Variants in TTC29 observed in about 807,000 individuals in gnomAD.
The protein encoded by TTC29 is tetratricopeptide repeat protein 29.
In TTC29, 49 loss-of-function variants were observed where a neutral mutation model predicts 58.1. The observed-to-expected ratio is 0.84, with a 90% CI of 0.67 to 1.07. The LOEUF (loss-of-function observed/expected upper bound fraction) is 1.07. Ranked by LOEUF, TTC29 falls within the 50% of genes least tolerant of loss-of-function variation. The pLI is 0.00. For synonymous variants in TTC29, 209 were observed against 196.8 expected, an observed-to-expected ratio of 1.06 and a Z score of -0.52; for missense variants, 582 against 555.6, an observed-to-expected ratio of 1.05 and a Z score of -0.48.
At chr4:146,753,213 CA>C (rs1292776873) in intron 11 of TTC29, among the ~76,000 whole-genome samples, 1 of 151,990 alleles carries the variant, frequency 6.6e-6, no homozygotes, top group African/African-American at 2.4e-5. Context: ...AAGAAAAAAA[CA>C]AACAACCCCA....
chr4:146,902,807 G>T (rs951972963), intron 6 of TTC29, among the ~76,000 whole-genome samples: 3 of 152,108 alleles, frequency 2.0e-5, no homozygotes, highest in Admixed American at 2.0e-4. Flanking sequence ...AAAGTCCTAT[G>T]CAGTCCTAGT....
Position 146,755,037 on chromosome 4 carries a change from G to C in TTC29, c.1331-47486C>G, listed in dbSNP as rs1252949586. Among the ~76,000 whole-genome samples, 53 of 152,174 alleles carry C rather than the reference G, an allele frequency of 3.5e-4. 1 individual carries two copies. Among genetic ancestry groups the C allele is most frequent in the Non-Finnish European group, 1.5e-5 (1 of 67,958 alleles). On this transcript the variant is annotated intron_variant, in intron 11 of 12. Coordinates refer to ENST00000325106, the MANE Select transcript of TTC29 (RefSeq NM_031956.4). ...TGGTTTGAACCAATAAATAGAATCA[G>C]TAAAATTGCAGGATAAAAAATCAAC...
At chr4:146,799,331 G>T (rs1014910538) in intron 11 of TTC29, among the ~76,000 whole-genome samples, 1 of 152,086 alleles carries the variant, frequency 6.6e-6, no homozygotes, top group Non-Finnish European at 1.5e-5. Context: ...AACAGAAGTA[G>T]CTGATTGTAA....
At chr4:146,840,874 T>C (rs2150168726) in intron 8 of TTC29, among the ~76,000 whole-genome samples, 1 of 152,142 alleles carries the variant, frequency 6.6e-6, no homozygotes, top group East Asian at 1.9e-4. Context: ...AATGATACAA[T>C]GAGAAAGAAG....
chr4:146,839,538 G>A (rs1301422477), intron 8 of TTC29, among the ~76,000 whole-genome samples: 8 of 111,660 alleles, frequency 7.2e-5, no homozygotes, highest in African/African-American at 2.6e-4. Context: ...ATGAACTCGT[G>A]TGTGTGTGTG....
intron 4 of TTC29, among the ~76,000 whole-genome samples, chr4:146,925,615 T>A (rs1162147988): frequency 2.0e-5 from 3 of 152,136 alleles, no homozygotes; most frequent in African/African-American, 4.8e-5. Flanking sequence ...ACCTTGACAT[T>A]GATGTGGAAA....
chr4:146,837,517 T>A (rs548783310), intron 8 of TTC29, among the ~76,000 whole-genome samples: 1 of 152,220 alleles, frequency 6.6e-6, no homozygotes, highest in East Asian at 1.9e-4. Flanking sequence ...AAGATACAGA[T>A]GTTTTATACT....
chr4:146,884,906 T>C (rs1731876903), intron 6 of TTC29, among the ~76,000 whole-genome samples: 1 of 152,088 alleles, frequency 6.6e-6, no homozygotes, highest in Admixed American at 6.6e-5. Context: ...GAGGCTTTAT[T>C]GTTAAAAATT....
chr4:146,812,229 AT>A (rs975010927), intron 10 of TTC29, among the ~76,000 whole-genome samples: 1 of 152,108 alleles, frequency 6.6e-6, no homozygotes, highest in Admixed American at 6.6e-5. Context: ...AAACATAACC[AT>A]TTTTTTAGAA....
chr4:146,788,088 G>A (rs1749163383), intron 11 of TTC29, among the ~76,000 whole-genome samples: 1 of 152,140 alleles, frequency 6.6e-6, no homozygotes, highest in South Asian at 2.1e-4. Flanking sequence ...GAGACCTGAG[G>A]ATTCAGTACC....
rs894491242 is a variant in TTC29 at position 146,712,379 on chromosome 4, G to C, written c.1331-4828C>G. On this transcript the variant is annotated intron_variant, in intron 11 of 12. Coordinates refer to ENST00000325106, the MANE Select transcript of TTC29 (RefSeq NM_031956.4). ...GACGCTATCTCAGTTGAACAGCTAA[G>C]TCCTTGAGCTGTGTTCCCAGGAGTG... Among the ~76,000 whole-genome samples the C allele has an allele frequency of 2.6e-5, 4 of 152,122 alleles. No homozygotes were observed. In the South Asian group the frequency reaches 6.2e-4, roughly 24 times the overall value.
intron 8 of TTC29, among the ~76,000 whole-genome samples, chr4:146,851,325 T>G (rs1207310263): frequency 6.6e-6 from 1 of 152,196 alleles, no homozygotes; most frequent in Non-Finnish European, 1.5e-5. Flanking sequence ...GCTTCAGGAT[T>G]AGAAGTGTCA....
At chr4:146,730,618 A>C (rs1218009373) in intron 11 of TTC29, among the ~76,000 whole-genome samples, 2 of 152,196 alleles carry the variant, frequency 1.3e-5, no homozygotes, top group African/African-American at 4.8e-5. Context: ...GCTAGTGAGG[A>C]AGAAGGAGCC....
At chr4:146,806,683 G>A (rs1378407564) in intron 10 of TTC29, among the ~76,000 whole-genome samples, 1 of 151,456 alleles carries the variant, frequency 6.6e-6, no homozygotes, top group Non-Finnish European at 1.5e-5. Context: ...AGCAAGAAGA[G>A]CTAACTAGCC....
intron 7 of TTC29, among the ~76,000 whole-genome samples, chr4:146,869,439 C>T (rs1365585326): frequency 1.3e-5 from 2 of 152,150 alleles, no homozygotes; most frequent in Non-Finnish European, 2.9e-5. Flanking sequence ...GCCAGTAATC[C>T]ACTAAGGGGA....
At chr4:146,936,138 CAG>C (rs1735797792) in intron 4 of TTC29, among the ~76,000 whole-genome samples, 1 of 152,240 alleles carries the variant, frequency 6.6e-6, no homozygotes, top group African/African-American at 2.4e-5. Flanking sequence ...GAGAATTACC[CAG>C]AGTTACTGTT....
chr4:146,749,705 G>A (rs1417982164), intron 11 of TTC29, among the ~76,000 whole-genome samples: 4 of 152,142 alleles, frequency 2.6e-5, no homozygotes, highest in Non-Finnish European at 5.9e-5. Context: ...ATGTTCTCAA[G>A]TAGATTCAAC....
intron 4 of TTC29, among the ~76,000 whole-genome samples, chr4:146,915,781 A>T (rs1023756432): frequency 6.6e-6 from 1 of 151,906 alleles, no homozygotes; most frequent in African/African-American, 2.4e-5. Flanking sequence ...TATTTTTTTC[A>T]TAGGATAAAC....
chr4:146,939,667 G>A (rs753633608), intron 3 of TTC29, 137 bp downstream of exon 3: 4 of 750,394 alleles, frequency 5.3e-6, no homozygotes, highest in Non-Finnish European at 6.5e-6. Context: ...TGAAACAGCA[G>A]ATTTCAATAT....
Sources: allele counts gnomAD v4.1 joint callset (sites outside exome capture counted in the v4.1 genomes callset), GRCh38; gene constraint gnomAD v4.1.1; transcripts MANE v1.5; gene names NCBI Gene and HGNC (gene_info 2026-07-23, HGNC 2026-07-21).